Variants in ANKS1B observed in about 807,000 individuals in gnomAD.
ANKS1B encodes the protein ankyrin repeat and sterile alpha motif domain-containing protein 1B.
Under a neutral mutation model 148.3 loss-of-function variants are expected in ANKS1B, and 36 were observed. The observed-to-expected ratio is 0.24, with a 90% CI of 0.19 to 0.32. The LOEUF (loss-of-function observed/expected upper bound fraction) is 0.32. Ranked by LOEUF, ANKS1B falls within the 10% of genes least tolerant of loss-of-function variation. The probability of loss-of-function intolerance (pLI) is 1.00; values close to 1 mark genes in which losing one functional copy is unlikely to be tolerated. For missense variants in ANKS1B, 1,157 were observed against 1,542.6 expected (o/e 0.75, Z 4.19); for synonymous variants, 542 against 560.8 (o/e 0.97, Z 0.47).
rs185262644 is a variant in ANKS1B at position 99,435,969 on chromosome 12, C to A, written c.1575+7704G>T. Among the ~76,000 whole-genome samples, 271 of 152,080 alleles carry A rather than the reference C, an allele frequency of 1.8e-3. 1 individual carries two copies. The highest frequency in any genetic ancestry group is 2.4e-3 in the Non-Finnish European group (160 of 67,946). ...TGTTGGGTCCTGTTGCCTTCTTTCTCATTTTTTTTCCTTTCCAAATCGCTC... is the reference window on the plus strand; with the variant it reads ...TGTTGGGTCCTGTTGCCTTCTTTCTAATTTTTTTTCCTTTCCAAATCGCTC... On this transcript the variant is annotated intron_variant, in intron 11 of 26. Coordinates refer to ENST00000683438, the MANE Select transcript of ANKS1B (RefSeq NM_001352186.2).
At chr12:98,863,001 T>C (rs2099607132) in intron 17 of ANKS1B, among the ~76,000 whole-genome samples, 1 of 152,234 alleles carries the variant, frequency 6.6e-6, no homozygotes, top group African/African-American at 2.4e-5. Context: ...ACATGTCTCC[T>C]GACACATTTA....
chr12:98,904,230 T>C (rs1392499286), intron 17 of ANKS1B, among the ~76,000 whole-genome samples: 3 of 151,990 alleles, frequency 2.0e-5, no homozygotes, highest in Non-Finnish European at 4.4e-5. Flanking sequence ...GATGTACAGA[T>C]GTAGCATACA....
In ANKS1B at chr12:98,751,468, G is replaced by C; in HGVS notation, c.3634C>G (p.Gln1212Glu). 1 of 1,614,004 alleles carries C rather than the reference G, an allele frequency of 6.2e-7. No individual in the cohort carries two copies. Among genetic ancestry groups the C allele is most frequent in the South Asian group, 1.1e-5 (1 of 91,082 alleles). Reference sequence around the variant, plus strand: ...CCTTTTCTTGCTTGTAGTGCTAGCTGGTAAGCGACTTCGAATGCCTGTCCC... The same window carrying C: ...CCTTTTCTTGCTTGTAGTGCTAGCTCGTAAGCGACTTCGAATGCCTGTCCC... The part of the protein sequence containing the change: ...TLGQAFEVAY[Q>E]LALQARKGGH... The change falls in exon 26 of 27, where the codon CAG becomes GAG. Residue 1212 changes from glutamine (Q) to glutamate (E), a missense_variant. By Grantham distance (29) the Gln-to-Glu change is conservative. Around this residue, in one of 6 missense-constraint regions of ANKS1B, gnomAD observed 258 missense variants for 497.0 expected, o/e 0.52. Coordinates refer to ENST00000683438, the MANE Select transcript of ANKS1B (RefSeq NM_001352186.2). This position sits in a 1 kb window ranked among gnomAD's most constrained non-coding sequence, Gnocchi z 4.3.
intron 12 of ANKS1B, among the ~76,000 whole-genome samples, chr12:99,267,018 T>C (rs1266756912): frequency 6.6e-6 from 1 of 152,188 alleles, no homozygotes; most frequent in Non-Finnish European, 1.5e-5. Flanking sequence ...ACTTGAACTT[T>C]AAGTATCATA....
chr12:99,246,498 C>A lies in ANKS1B; in HGVS notation c.2123G>T (p.Gly708Val). 1 of 1,613,862 alleles carries A rather than the reference C, an allele frequency of 6.2e-7. No individual in the cohort carries two copies. The highest frequency in any genetic ancestry group is 8.5e-7 in the Non-Finnish European group (1 of 1,179,846). ...CAGAGTACAGGCTCTCTCCACAAAT[C>A]CCCCTGCGTTCATAACCCACTGGTC... ...NGDQWVMNAG[G>V]FVERACTLGR... Residue 708 changes from glycine to valine, a missense_variant, in exon 13 of 27, where the codon GGA becomes GTA. Around this residue, in one of 6 missense-constraint regions of ANKS1B, gnomAD observed 661 missense variants for 642.1 expected, o/e 1.03. Coordinates refer to ENST00000683438, the MANE Select transcript of ANKS1B (RefSeq NM_001352186.2).
intron 8 of ANKS1B, among the ~76,000 whole-genome samples, chr12:99,710,715 A>C (rs4476014): frequency 0.66 from 100,674 of 151,830 alleles, 33,477 homozygotes; most frequent in Non-Finnish European, 0.69. Context: ...AAATACAATG[A>C]AAGTAAGAAT....
At chr12:99,734,541 G>A (rs1043548780) in intron 8 of ANKS1B, among the ~76,000 whole-genome samples, 3 of 152,004 alleles carry the variant, frequency 2.0e-5, no homozygotes, top group Non-Finnish European at 2.9e-5. Flanking sequence ...TGATCCGCCC[G>A]CCTCAGCCTC....
At chr12:99,180,633 T>G (rs1467225100) in intron 14 of ANKS1B, among the ~76,000 whole-genome samples, 4 of 151,572 alleles carry the variant, frequency 2.6e-5, no homozygotes, top group Non-Finnish European at 5.9e-5. Flanking sequence ...AGGGTTTTTT[T>G]TTTTTTTTTT....
chr12:99,812,716 A>C (rs1036888834), intron 2 of ANKS1B, among the ~76,000 whole-genome samples: 1 of 151,656 alleles, frequency 6.6e-6, no homozygotes, highest in Non-Finnish European at 1.5e-5. Context: ...TTTTTAAAAA[A>C]AGAGCTCTTT....
At chr12:99,081,788 G>A (rs2049867834) in intron 16 of ANKS1B, among the ~76,000 whole-genome samples, 1 of 152,110 alleles carries the variant, frequency 6.6e-6, no homozygotes, top group African/African-American at 2.4e-5. Flanking sequence ...ATCAAGTGGT[G>A]TGTACAGGAT....
At chr12:99,793,377 C>G (rs907458891) in intron 4 of ANKS1B, among the ~76,000 whole-genome samples, 3 of 151,900 alleles carry the variant, frequency 2.0e-5, no homozygotes, top group African/African-American at 7.2e-5. Flanking sequence ...CCAGAATAGC[C>G]AAAGCAAACC....
chr12:98,736,628 G>T (rs544521399), intron 9 of ANKS1B, among the ~76,000 whole-genome samples: 23 of 152,298 alleles, frequency 1.5e-4, no homozygotes, highest in Middle Eastern at 6.8e-3. Flanking sequence ...AGGAGTAGAT[G>T]AAATCAGCAG....
At chr12:99,430,578 G>A (rs1402294787) in intron 11 of ANKS1B, among the ~76,000 whole-genome samples, 2 of 152,172 alleles carry the variant, frequency 1.3e-5, no homozygotes, top group African/African-American at 2.4e-5. Flanking sequence ...AATACCATTA[G>A]AGTAACATCC....
intron 10 of ANKS1B, among the ~76,000 whole-genome samples, chr12:99,465,365 T>A (rs1446085710): frequency 2.0e-5 from 3 of 152,200 alleles, no homozygotes; most frequent in Non-Finnish European, 4.4e-5. Flanking sequence ...CCATCGAGGC[T>A]AGGAAGAAAC....
chr12:98,912,946 T>G (rs1388019955), intron 17 of ANKS1B, among the ~76,000 whole-genome samples: 1 of 151,392 alleles, frequency 6.6e-6, no homozygotes, highest in African/African-American at 2.4e-5. Flanking sequence ...CTAGAGTTGT[T>G]TTTATTTGAC....
At chr12:99,287,813 A>C (rs1207666718) in intron 12 of ANKS1B, among the ~76,000 whole-genome samples, 1 of 152,202 alleles carries the variant, frequency 6.6e-6, no homozygotes, top group Admixed American at 6.5e-5. Context: ...ATCAAACAGA[A>C]GAAAGAATTA....
intron 12 of ANKS1B, among the ~76,000 whole-genome samples, chr12:99,251,746 C>T (rs1602084292): frequency 6.6e-6 from 1 of 152,082 alleles, no homozygotes; most frequent in African/African-American, 2.4e-5. Flanking sequence ...AAACAAGTTA[C>T]TTTTTTCTAT....
At chr12:99,129,173 C>T (rs1220530143) in intron 15 of ANKS1B, among the ~76,000 whole-genome samples, 1 of 152,106 alleles carries the variant, frequency 6.6e-6, no homozygotes, top group Non-Finnish European at 1.5e-5. Context: ...AACTGGTAGC[C>T]CAAGATAAAG....
chr12:99,261,093 C>T (rs2075879341), intron 12 of ANKS1B, among the ~76,000 whole-genome samples: 1 of 152,134 alleles, frequency 6.6e-6, no homozygotes, highest in Admixed American at 6.6e-5. Flanking sequence ...TGTTCTAGCT[C>T]TGCAAAAGAA....
Sources: allele counts gnomAD v4.1 joint callset (sites outside exome capture counted in the v4.1 genomes callset), GRCh38; gene constraint gnomAD v4.1.1; regional missense constraint gnomAD v4.1.1; non-coding constraint Gnocchi (gnomAD v3.1); transcripts MANE v1.5; gene names NCBI Gene and HGNC (gene_info 2026-07-23, HGNC 2026-07-21).